Variants in DNAH10 observed in about 807,000 individuals in gnomAD.
DNAH10 encodes axonemal beta dynein heavy chain 10.
DNAH10 carries 348 observed loss-of-function variants against 506.6 expected under a neutral mutation model. The ratio of observed to expected loss-of-function variants is 0.69; its 90% CI spans 0.63 to 0.75. DNAH10 has a LOEUF of 0.75. Ranked by LOEUF, DNAH10 falls within the 30% of genes least tolerant of loss-of-function variation. The pLI is 0.00. For missense variants in DNAH10, 5,179 were observed against 5,787.1 expected (o/e 0.89, Z 3.41); for synonymous variants, 2,059 against 2,198.6 (o/e 0.94, Z 1.78).
intron 39 of DNAH10, among the ~76,000 whole-genome samples, 173 bp from the exon 40 acceptor site, chr12:123,864,422 G>A (rs534899039): frequency 1.3e-4 from 20 of 152,184 alleles, no homozygotes; most frequent in African/African-American, 4.3e-4. Flanking sequence ...TGGGATTACA[G>A]TTTTTTATGT....
chr12:123,805,580 T>G (rs1364883908), intron 18 of DNAH10, among the ~76,000 whole-genome samples: 5 of 152,128 alleles, frequency 3.3e-5, no homozygotes, highest in Non-Finnish European at 7.4e-5. Flanking sequence ...CAGACTGTTC[T>G]GGGGTGTGAG....
chr12:123,898,767 C>A lies in DNAH10; in HGVS notation c.9593C>A (p.Ala3198Asp). 3 of 1,612,498 alleles carry A rather than the reference C, an allele frequency of 1.9e-6. No individual in the cohort carries two copies. Among genetic ancestry groups the A allele is most frequent in the Non-Finnish European group, 1.7e-6 (2 of 1,179,478 alleles). ...AAGATCGTGCTGGCGGAGAAGTCCG[C>A]CGCCTGCGAGGCCTTGCTGGAGGAG... ...EQKIVLAEKS[A>D]ACEALLEEIA... Residue 3198 changes from alanine (A) to aspartate (D), a missense_variant, in exon 56 of 79, where the codon GCC becomes GAC. Coordinates refer to ENST00000673944, the MANE Select transcript of DNAH10 (RefSeq NM_001372106.1).
intron 51 of DNAH10, among the ~76,000 whole-genome samples, chr12:123,886,669 G>T (rs1202049123): frequency 6.6e-6 from 1 of 152,046 alleles, no homozygotes; most frequent in Non-Finnish European, 1.5e-5. Flanking sequence ...TCAGTTCCTG[G>T]AAATCTGCCA....
intron 24 of DNAH10, among the ~76,000 whole-genome samples, chr12:123,824,860 C>T (rs1959801119): frequency 6.6e-6 from 1 of 152,096 alleles, no homozygotes; most frequent in Non-Finnish European, 1.5e-5. Context: ...ACCCTAACTA[C>T]CTCTGCAAAG....
At chr12:123,891,903 C>T (rs952125535) in intron 52 of DNAH10, among the ~76,000 whole-genome samples, 5 of 152,164 alleles carry the variant, frequency 3.3e-5, no homozygotes, top group South Asian at 4.1e-4. Flanking sequence ...GTCCTCTCTC[C>T]GGGGAGCCAC....
intron 57 of DNAH10, among the ~76,000 whole-genome samples, chr12:123,906,224 G>A (rs1027440711): frequency 4.0e-5 from 6 of 150,084 alleles, no homozygotes; most frequent in Non-Finnish European, 7.4e-5. Context: ...GAGCCACTGC[G>A]CCCGGCCTTT....
intron 24 of DNAH10, among the ~76,000 whole-genome samples, 193 bp downstream of exon 24, chr12:123,820,951 A>C (rs989779045): frequency 2.0e-5 from 3 of 152,162 alleles, no homozygotes; most frequent in Non-Finnish European, 4.4e-5. Flanking sequence ...TGGGGTGTTG[A>C]AAAAGTTCTG....
In DNAH10 at chr12:123,801,317, T is replaced by A; in HGVS notation, c.2499T>A (p.Tyr833Ter). 1 of 1,614,188 alleles carries A rather than the reference T, an allele frequency of 6.2e-7. No individual in the cohort carries two copies. The highest frequency in any genetic ancestry group is 8.5e-7 in the Non-Finnish European group (1 of 1,180,028). Reference protein sequence around the residue: ...TAGIQRMLDHYHMLIGTLNDA... With the variant: ...TAGIQRMLDH Reference sequence around the variant, plus strand: ...GGATACAGCGCATGTTGGATCATTATCACATGCTCATAGGAACGTTAAACG... The same window carrying A: ...GGATACAGCGCATGTTGGATCATTAACACATGCTCATAGGAACGTTAAACG... Residue 833 changes from tyrosine (Y) to a stop codon, truncating the protein, a stop_gained, in exon 16 of 79, where the codon TAT becomes TAA. Coordinates refer to ENST00000673944, the MANE Select transcript of DNAH10 (RefSeq NM_001372106.1). LOFTEE classifies it high-confidence loss of function.
At chr12:123,858,705 G>A (rs1399775807) in intron 37 of DNAH10, among the ~76,000 whole-genome samples, 2 of 152,180 alleles carry the variant, frequency 1.3e-5, no homozygotes, top group African/African-American at 4.8e-5. Flanking sequence ...TGGATCCACT[G>A]CTGAAACAGA....
At position 123,814,188 on chromosome 12, in the gene DNAH10, T is replaced by C. The variant is rs547913460; in HGVS notation, c.3780+276T>C. On this transcript the variant is annotated intron_variant, in intron 21 of 78. Transcript: ENST00000673944. The stretch of plus-strand genomic sequence containing the variant: ...TTTTTTTTGTGTTAATTTCCTTTAA[T>C]AGATAAAGAGCTCTTGCAAAAATGA... The C allele has an allele frequency of 1.2e-5, 3 of 254,930 alleles. No homozygotes were observed. In the Admixed American group the frequency reaches 1.6e-4, roughly 13 times the overall value. The allele number at this position is 254,930 out of a possible 1,614,324, so 15.8% of individuals were successfully genotyped here.
chr12:123,873,739 A>G, intron 46 of DNAH10, 29 bp downstream of exon 46: 2 of 1,584,708 alleles, frequency 1.3e-6, no homozygotes, highest in Non-Finnish European at 1.7e-6. Context: ...AGGTGGAGGG[A>G]TGGGTCAAGA....
chr12:123,925,165 G>A lies in DNAH10; in HGVS notation c.11882G>A (p.Arg3961Gln), dbSNP rs148915943. The change falls in exon 68 of 79, where the codon CGG (arginine) becomes CAG (glutamine). Residue 3961 changes from arginine to glutamine, a missense_variant. This residue lies in a region of DNAH10 where 4,844 missense variants were observed against 5,430.5 expected (regional missense o/e 0.89). Transcript: ENST00000673944. The surrounding 1 kb of genome is among the most constrained non-coding windows in gnomAD (Gnocchi z 4.0). The part of the protein sequence containing the change: ...LRCFRVDRVY[R>Q]AVTDYVTVTM... The stretch of plus-strand genomic sequence containing the variant: ...TGTTTCCGTGTGGATCGGGTCTATC[G>A]GGCCGTGACTGACTATGTGACTGTA... 28 of 1,613,898 alleles carry A rather than the reference G, an allele frequency of 1.7e-5. No homozygotes were observed. The highest frequency in any genetic ancestry group is 2.7e-5 in the African/African-American group (2 of 74,986).
At chr12:123,810,835 C>T (rs1318798856) in intron 19 of DNAH10, among the ~76,000 whole-genome samples, 2 of 151,956 alleles carry the variant, frequency 1.3e-5, no homozygotes. Context: ...AGGGAAACAG[C>T]AATTTTTAAG....
At chr12:123,795,567 A>T (rs984229273) in intron 12 of DNAH10, among the ~76,000 whole-genome samples, 16 of 152,224 alleles carry the variant, frequency 1.1e-4, no homozygotes, top group Non-Finnish European at 2.1e-4. Context: ...TTCCTGTTTT[A>T]GGACCCTTGT....
intron 39 of DNAH10, among the ~76,000 whole-genome samples, chr12:123,864,131 A>G (rs1951708179): frequency 6.7e-6 from 1 of 148,822 alleles, no homozygotes; most frequent in Non-Finnish European, 1.5e-5. Flanking sequence ...CAAAGAACTC[A>G]AACTTTTTTT....
At chr12:123,873,349 G>A (rs572249261) in intron 45 of DNAH10, among the ~76,000 whole-genome samples, 103 of 152,262 alleles carry the variant, frequency 6.8e-4, no homozygotes, top group African/African-American at 2.4e-3. Flanking sequence ...GCGACAATTC[G>A]CTATTGACTC....
Position 123,785,091 on chromosome 12 carries a change from T to C in DNAH10, c.1231-655T>C, listed in dbSNP as rs1957798659. Reference sequence around the variant, plus strand: ...GTGGATGTGTGTTTTTAATTATTCATGTATTATGCATAGGAGTGGAATAGC... The same window carrying C: ...GTGGATGTGTGTTTTTAATTATTCACGTATTATGCATAGGAGTGGAATAGC... On this transcript the variant is annotated intron_variant, in intron 8 of 78. Transcript: ENST00000673944. The surrounding 1 kb of genome is among the most constrained non-coding windows in gnomAD (Gnocchi z 4.1). 6.6e-6 allele frequency among the ~76,000 whole-genome samples: 1 copy of C among 152,242 alleles called. No individual in the cohort carries two copies. Among genetic ancestry groups the C allele is most frequent in the African/African-American group, 2.4e-5 (1 of 41,460 alleles).
Position 123,898,594 on chromosome 12 carries a change from T to G in DNAH10, c.9479-59T>G. The G allele has an allele frequency of 2.8e-6, 4 of 1,433,358 alleles. No individual in the cohort carries two copies. In the South Asian group the frequency reaches 5.9e-5, roughly 21 times the overall value. The allele number at this position is 1,433,358 out of a possible 1,614,324, so 88.8% of individuals were successfully genotyped here. ...TAAGCTGAAGTTAGGCAAATCTCAG[T>G]GATTGTGTTGCGAACAGTGGCCACC... is the stretch of plus-strand genomic sequence containing the variant. On this transcript the variant is annotated intron_variant, in intron 55 of 78. Coordinates refer to ENST00000673944, the MANE Select transcript of DNAH10 (RefSeq NM_001372106.1).
Position 123,928,469 on chromosome 12 carries a change from T to C in DNAH10, c.12188T>C (p.Leu4063Pro), listed in dbSNP as rs1455566078. The C allele has an allele frequency of 6.2e-7, 1 of 1,610,530 alleles. No homozygotes were observed. Among genetic ancestry groups the C allele is most frequent in the Non-Finnish European group, 8.5e-7 (1 of 1,178,654 alleles). ...AACTGCCACCTCCTGGTCAAGTGGC[T>C]GAAAGATCTGGAGAAGTCCCTGGAG... ...LQNCHLLVKW[L>P]KDLEKSLERI... The change falls in exon 70 of 79, where the codon CTG (leucine) becomes CCG (proline). Residue 4063 changes from leucine to proline, a missense_variant. By Grantham distance (98) the Leu-to-Pro change is moderately conservative (BLOSUM62 -3). Transcript: ENST00000673944. This position sits in a 1 kb window ranked among gnomAD's most constrained non-coding sequence, Gnocchi z 4.9.
Sources: allele counts gnomAD v4.1 joint callset (sites outside exome capture counted in the v4.1 genomes callset), GRCh38; gene constraint gnomAD v4.1.1; regional missense constraint gnomAD v4.1.1; non-coding constraint Gnocchi (gnomAD v3.1); transcripts MANE v1.5; gene names NCBI Gene and HGNC (gene_info 2026-07-23, HGNC 2026-07-21).